PHF2: variants seen among roughly 807,000 people sequenced by gnomAD.
PHF2 encodes the protein lysine-specific demethylase PHF2.
A neutral mutation model predicts 120.5 loss-of-function variants in PHF2; 27 were observed. The observed-to-expected ratio is 0.22, with a 90% CI of 0.17 to 0.31. The LOEUF is 0.31. PHF2 is among the 10% of genes least tolerant of loss of function. The pLI, the probability that PHF2 is intolerant of heterozygous loss-of-function variation, is 1.00. For missense variants in PHF2, 1,024 were observed against 1,434.8 expected (o/e 0.71, Z 4.63); for synonymous variants, 568 against 592.5 (o/e 0.96, Z 0.60).
chr9:93,668,644 T>C (rs1343609068), intron 17 of PHF2, among the ~76,000 whole-genome samples: 1 of 152,114 alleles, frequency 6.6e-6, no homozygotes, highest in East Asian at 1.9e-4. Flanking sequence ...GGTTTTGTGC[T>C]CAGGTCTGTG....
intron 1 of PHF2, among the ~76,000 whole-genome samples, chr9:93,608,061 T>G (rs2131623748): frequency 6.6e-6 from 1 of 152,072 alleles, no homozygotes; most frequent in East Asian, 1.9e-4. Context: ...GAAAGATGTA[T>G]TATTAATCCA....
rs1015789273 is a variant in PHF2 at position 93,665,919 on chromosome 9, G to A, written c.2116+55G>A. The stretch of plus-strand genomic sequence containing the variant: ...GTGTGGGAGAGGCCCATCCTGCCCC[G>A]GAGAGGTCTTCCCAGGGTGGCTGGC... On this transcript the variant is annotated intron_variant, in intron 15 of 21. Transcript: ENST00000359246. 5.8e-5 allele frequency: 93 copies of A among 1,612,078 alleles called. 1 individual carries two copies. The highest frequency in any genetic ancestry group is 1.8e-4 in the Admixed American group (11 of 59,988).
intron 1 of PHF2, among the ~76,000 whole-genome samples, chr9:93,627,651 A>G (rs1048753852): frequency 2.0e-5 from 3 of 152,154 alleles, no homozygotes; most frequent in African/African-American, 7.2e-5. Context: ...TTTTTCATCC[A>G]TGGCTTTCAT....
intron 3 of PHF2, among the ~76,000 whole-genome samples, chr9:93,637,509 C>T (rs1826113311): frequency 6.6e-6 from 1 of 152,198 alleles, no homozygotes; most frequent in Non-Finnish European, 1.5e-5. Context: ...AATCCACTTT[C>T]TTGTTTCTGT....
intron 1 of PHF2, among the ~76,000 whole-genome samples, chr9:93,618,933 T>TTGTGTGTGTGCCTGGATGTGTG (rs1825778942): frequency 2.0e-3 from 1 of 502 alleles, no homozygotes; most frequent in Non-Finnish European, 8.5e-3. Flanking sequence ...TGTGTGAGTT[T>TTGTGTGTGTGCCTGGATGTGTG]GTATGTGTGC....
Position 93,656,522 on chromosome 9 carries a change from C to T in PHF2, c.1074C>T (p.Gly358=). The T allele has an allele frequency of 6.2e-7, 1 of 1,613,778 alleles. No homozygotes were observed. Among genetic ancestry groups the T allele is most frequent in the African/African-American group, 1.3e-5 (1 of 75,008 alleles). The change falls in exon 9 of 22, where the codon GGC becomes GGT. Residue 358 remains glycine, a synonymous_variant. Transcript: ENST00000359246. The surrounding 1 kb of genome is among the most constrained non-coding windows in gnomAD (Gnocchi z 4.1). ...AYEVERRLKL[G]SLTQFPNFET... is the part of the protein sequence containing the mutation. The stretch of plus-strand genomic sequence containing the variant: ...AAGTGGAAAGGAGGTTGAAACTGGG[C>T]AGCCTGACTCAGTTTCCCAACTTTG...
chr9:93,676,685 G>T lies in PHF2; in HGVS notation c.2924G>T (p.Gly975Val). The T allele has an allele frequency of 6.4e-7, 1 of 1,570,344 alleles. No homozygotes were observed. Among genetic ancestry groups the T allele is most frequent in the South Asian group, 1.2e-5 (1 of 86,526 alleles). The change falls in exon 21 of 22, where the codon GGC becomes GTC. Residue 975 changes from glycine to valine, a missense_variant. This residue lies in a region of PHF2 where 677 missense variants were observed against 857.4 expected (regional missense o/e 0.79). Coordinates refer to ENST00000359246, the MANE Select transcript of PHF2 (RefSeq NM_005392.4). Reference sequence around the variant, plus strand: ...TCCACCTCCACCTCCATCTCTGCCGGCACCACCTCCACCTCCACCACGCCA... The same window carrying T: ...TCCACCTCCACCTCCATCTCTGCCGTCACCACCTCCACCTCCACCACGCCA... ...SPSTSTSISA[G>V]TTSTSTTPAS... is the part of the protein sequence containing the mutation.
At chr9:93,667,874 T>C (rs754517106) in intron 17 of PHF2, among the ~76,000 whole-genome samples, 1 of 152,060 alleles carries the variant, frequency 6.6e-6, no homozygotes, top group Non-Finnish European at 1.5e-5. Context: ...GTGACTTGGA[T>C]TGAGGAAGAT....
chr9:93,589,446 C>T (rs953435710), intron 1 of PHF2, among the ~76,000 whole-genome samples: 11 of 152,088 alleles, frequency 7.2e-5, no homozygotes, highest in Non-Finnish European at 1.3e-4. Flanking sequence ...AGCACCTTGC[C>T]GCTTGCCCCA....
Position 93,667,105 on chromosome 9 carries a change from C to T in PHF2, c.2213C>T (p.Ser738Leu), listed in dbSNP as rs763214520. Residue 738 changes from serine (S) to leucine (L), a missense_variant, in exon 17 of 22, where the codon TCG (serine) becomes TTG (leucine). Physicochemically the swap from Ser to Leu is moderately radical, Grantham distance 145. Coordinates refer to ENST00000359246, the MANE Select transcript of PHF2 (RefSeq NM_005392.4). The part of the protein sequence containing the change: ...YKSDDSSDEG[S>L]LHIDTDTKPG... Reference sequence around the variant, plus strand: ...AGTGATGACTCCTCGGACGAGGGTTCGCTGCACATCGACACAGACACCAAG... The same window carrying T: ...AGTGATGACTCCTCGGACGAGGGTTTGCTGCACATCGACACAGACACCAAG... 84 of 1,613,096 alleles carry T rather than the reference C, an allele frequency of 5.2e-5. No homozygotes were observed. Among genetic ancestry groups the T allele is most frequent in the Admixed American group, 3.3e-5 (2 of 59,988 alleles).
intron 20 of PHF2, 31 bp downstream of exon 20, chr9:93,675,820 C>G (rs1441554785): frequency 6.5e-7 from 1 of 1,541,760 alleles, no homozygotes; most frequent in Non-Finnish European, 8.9e-7. Context: ...CACACGGCAG[C>G]CAGGTCCCTG....
Position 93,625,546 on chromosome 9 carries a change from C to T in PHF2, c.99-4424C>T, listed in dbSNP as rs189820909. On this transcript the variant is annotated intron_variant, in intron 1 of 21. Transcript: ENST00000359246. ...AGGCTTGAGTGCAGTGGCACAGTCT[C>T]GGCTCACTGCAACCTCTGCTTCCTG... 3.3e-4 allele frequency among the ~76,000 whole-genome samples: 46 copies of T among 137,830 alleles called. 2 individuals carry two copies. Among genetic ancestry groups the T allele is most frequent in the East Asian group, 3.2e-3 (15 of 4,628 alleles). 90.4% of individuals were successfully genotyped at this position (137,830 alleles called of 152,430 possible).
At chr9:93,588,040 G>A (rs911418363) in intron 1 of PHF2, among the ~76,000 whole-genome samples, 7 of 152,148 alleles carry the variant, frequency 4.6e-5, no homozygotes, top group African/African-American at 1.7e-4. Flanking sequence ...CTCCCTGGAG[G>A]CCCCCATGAC....
intron 2 of PHF2, among the ~76,000 whole-genome samples, chr9:93,633,229 C>T (rs550120902): frequency 5.3e-5 from 8 of 152,304 alleles, no homozygotes; most frequent in East Asian, 3.9e-4. Context: ...GGTCCCTCCC[C>T]GTTCCAATAT....
At position 93,656,399 on chromosome 9, in the gene PHF2, C is replaced by A; in HGVS notation, c.1041-90C>A. On this transcript the variant is annotated intron_variant, in intron 8 of 21. Transcript: ENST00000359246. This position sits in a 1 kb window ranked among gnomAD's most constrained non-coding sequence, Gnocchi z 4.1. ...GCTATGCAGGGCCCAGTGGGGAGGC[C>A]TGAGCTGGTGTGTCTGGGGCCTGGA... 3.2e-6 allele frequency: 3 copies of A among 941,708 alleles called. No homozygotes were observed. The South Asian group carries it at 4.2e-5, about 13-fold the overall frequency. The allele number at this position is 941,708 out of a possible 1,614,324, so 58.3% of individuals were successfully genotyped here.
At chr9:93,672,722 A>T (rs536794556) in intron 17 of PHF2, 3 of 980,362 alleles carry the variant, frequency 3.1e-6, no homozygotes, top group African/African-American at 3.6e-5. Flanking sequence ...AGGAGTAGGT[A>T]CAGGTGTAGA....
intron 1 of PHF2, among the ~76,000 whole-genome samples, chr9:93,620,143 C>T (rs1825801726): frequency 6.6e-6 from 1 of 152,206 alleles, no homozygotes; most frequent in Non-Finnish European, 1.5e-5. Flanking sequence ...ACCTGCAGGG[C>T]CCAGCCTGGG....
chr9:93,587,109 G>A (rs547944936), intron 1 of PHF2, among the ~76,000 whole-genome samples: 2 of 152,366 alleles, frequency 1.3e-5, no homozygotes, highest in African/African-American at 2.4e-5. Context: ...TCTGTGGGAG[G>A]CATGGAGTAT....
chr9:93,580,121 C>T (rs753023536), intron 1 of PHF2, among the ~76,000 whole-genome samples: 3 of 152,206 alleles, frequency 2.0e-5, no homozygotes, highest in Non-Finnish European at 4.4e-5. Context: ...TGTGTCCCTT[C>T]ACCAAGTTCT....
Sources: allele counts gnomAD v4.1 joint callset (sites outside exome capture counted in the v4.1 genomes callset), GRCh38; gene constraint gnomAD v4.1.1; regional missense constraint gnomAD v4.1.1; non-coding constraint Gnocchi (gnomAD v3.1); transcripts MANE v1.5; gene names NCBI Gene and HGNC (gene_info 2026-07-23, HGNC 2026-07-21).